The following MAP7 variants were observed in gnomAD, a reference collection of about 807,000 sequenced individuals.
MAP7 encodes the protein ensconsin.
In MAP7, 52 loss-of-function variants were observed where a neutral mutation model predicts 94.8. That is an observed-to-expected ratio of 0.55 (90% CI 0.44 to 0.69). The LOEUF (loss-of-function observed/expected upper bound fraction) is 0.69. Ranked by LOEUF, MAP7 falls within the 30% of genes least tolerant of loss-of-function variation. The pLI is 0.00. For missense variants in MAP7, 940 were observed against 964.6 expected (o/e 0.97, Z 0.34); for synonymous variants, 350 against 357.0 (o/e 0.98, Z 0.22).
intron 1 of MAP7, among the ~76,000 whole-genome samples, chr6:136,483,227 CATGG>C (rs1813500224): frequency 6.6e-6 from 1 of 150,862 alleles, no homozygotes; most frequent in Non-Finnish European, 1.5e-5. Context: ...TCTGCAGCAA[CATGG>C]ATGGAGATGG....
chr6:136,430,552 C>A (rs1250057796), intron 1 of MAP7, among the ~76,000 whole-genome samples: 3 of 152,140 alleles, frequency 2.0e-5, no homozygotes, highest in Non-Finnish European at 4.4e-5. Context: ...AAAAATTAAT[C>A]ATCTCTCCTC....
chr6:136,488,438 T>C (rs1344251608), intron 1 of MAP7, among the ~76,000 whole-genome samples: 6 of 150,378 alleles, frequency 4.0e-5, no homozygotes, highest in Non-Finnish European at 8.9e-5. Context: ...TGTGCCATGC[T>C]AGGTACTTTT....
At chr6:136,454,396 G>A (rs542762250) in intron 1 of MAP7, among the ~76,000 whole-genome samples, 42 of 151,898 alleles carry the variant, frequency 2.8e-4, no homozygotes, top group African/African-American at 9.9e-4. Context: ...AGCCTTGACC[G>A]CCTGGGCTCA....
intron 1 of MAP7, among the ~76,000 whole-genome samples, chr6:136,519,484 T>C (rs1825783514): frequency 6.6e-6 from 1 of 152,222 alleles, no homozygotes; most frequent in African/African-American, 2.4e-5. Flanking sequence ...ATATTTCTTA[T>C]TCTAAGACTT....
intron 3 of MAP7, among the ~76,000 whole-genome samples, chr6:136,409,714 C>G (rs1786815235): frequency 6.6e-6 from 1 of 152,234 alleles, no homozygotes; most frequent in Non-Finnish European, 1.5e-5. Context: ...CATACCCACT[C>G]ACAGTGGATG....
At chr6:136,541,372 A>T (rs900111996) in intron 1 of MAP7, among the ~76,000 whole-genome samples, 1 of 152,178 alleles carries the variant, frequency 6.6e-6, no homozygotes, top group African/African-American at 2.4e-5. Context: ...TGAGTTTTAT[A>T]CTCAGAGGTT....
At chr6:136,401,807 C>G (rs1017247547) in intron 3 of MAP7, among the ~76,000 whole-genome samples, 20 of 152,074 alleles carry the variant, frequency 1.3e-4, no homozygotes, top group African/African-American at 4.8e-4. Context: ...AACCCTGTCT[C>G]TAATGTAAAA....
At chr6:136,369,832 T>A (rs902338051) in intron 8 of MAP7, among the ~76,000 whole-genome samples, 1 of 152,174 alleles carries the variant, frequency 6.6e-6, no homozygotes, top group Non-Finnish European at 1.5e-5. Context: ...AAAACATAAG[T>A]GAAAAGCTTC....
intron 1 of MAP7, among the ~76,000 whole-genome samples, chr6:136,548,044 T>C (rs191497680): frequency 6.3e-4 from 95 of 151,910 alleles, no homozygotes; most frequent in Non-Finnish European, 9.7e-4. Flanking sequence ...AAGGTGGCAA[T>C]TTTCAACTCT....
At chr6:136,486,514 T>C (rs1262106182) in intron 1 of MAP7, among the ~76,000 whole-genome samples, 1 of 152,224 alleles carries the variant, frequency 6.6e-6, no homozygotes, top group Non-Finnish European at 1.5e-5. Flanking sequence ...CATCTGTAGC[T>C]TTCCTCAATT....
intron 1 of MAP7, among the ~76,000 whole-genome samples, chr6:136,508,932 T>C (rs1822414516): frequency 6.6e-6 from 1 of 152,196 alleles, no homozygotes; most frequent in Non-Finnish European, 1.5e-5. Context: ...AGAAACACCA[T>C]TTAATACCAT....
At chr6:136,468,465 T>C (rs1380355776) in intron 1 of MAP7, among the ~76,000 whole-genome samples, 2 of 152,322 alleles carry the variant, frequency 1.3e-5, no homozygotes, top group Middle Eastern at 3.4e-3. Flanking sequence ...CGACTTACAA[T>C]GGGGTTATGT....
intron 1 of MAP7, among the ~76,000 whole-genome samples, chr6:136,465,948 A>G (rs1426164751): frequency 6.6e-6 from 1 of 152,208 alleles, no homozygotes; most frequent in Non-Finnish European, 1.5e-5. Context: ...AATTTAGTGA[A>G]TAAGGCAGCT....
At chr6:136,401,154 G>C (rs112971283) in intron 3 of MAP7, among the ~76,000 whole-genome samples, 3,159 of 152,228 alleles carry the variant, frequency 0.021, 120 homozygotes, top group African/African-American at 0.071. Flanking sequence ...TTTGAGACTA[G>C]CATGGGCAAC....
At chr6:136,438,905 T>A (rs1316077727) in intron 1 of MAP7, among the ~76,000 whole-genome samples, 1 of 152,192 alleles carries the variant, frequency 6.6e-6, no homozygotes, top group African/African-American at 2.4e-5. Context: ...ATTATCATGG[T>A]AATTTGATAG....
At position 136,497,754 on chromosome 6, in the gene MAP7, G is replaced by A. The variant is rs150635300; in HGVS notation, c.67+52588C>T. Among the ~76,000 whole-genome samples the A allele has an allele frequency of 7.1e-3, 1,002 of 141,968 alleles. 22 individuals carry two copies. The highest frequency in any genetic ancestry group is 0.025 in the African/African-American group (929 of 36,712). The allele number at this position is 141,968 out of a possible 152,430, so 93.1% of individuals were successfully genotyped here. The stretch of plus-strand genomic sequence containing the variant: ...GTGGATGCTGCAGTGAGCCGAGATC[G>A]TGCCACTGCACTCAGCCTGGGTGAC... On this transcript the variant is annotated intron_variant, in intron 1 of 17. Transcript: ENST00000354570.
At chr6:136,527,097 CCTACCG>C (rs1828021284) in intron 1 of MAP7, among the ~76,000 whole-genome samples, 1 of 152,194 alleles carries the variant, frequency 6.6e-6, no homozygotes, top group African/African-American at 2.4e-5. Context: ...ACCCTCAATC[CCTACCG>C]CTCTGGGCAG....
At chr6:136,475,511 C>T (rs535677028) in intron 1 of MAP7, among the ~76,000 whole-genome samples, 4 of 152,176 alleles carry the variant, frequency 2.6e-5, no homozygotes, top group African/African-American at 7.2e-5. Flanking sequence ...ACAGCTCTTA[C>T]TATGAACTAC....
At chr6:136,416,851 C>T (rs1018772977) in intron 2 of MAP7, among the ~76,000 whole-genome samples, 9 of 152,170 alleles carry the variant, frequency 5.9e-5, no homozygotes, top group Non-Finnish European at 7.4e-5. Flanking sequence ...GTGGCTCACT[C>T]CTGTAATCCC....
Sources: gnomAD v4.1 joint callset for allele counts (sites outside exome capture counted in the v4.1 genomes callset) on GRCh38, gnomAD v4.1.1 for gene constraint, MANE v1.5 for transcripts, NCBI Gene and HGNC (gene_info 2026-07-23, HGNC 2026-07-21) for gene names.